Variants in TYW1 observed in about 807,000 individuals in gnomAD.
TYW1 encodes the protein S-adenosyl-L-methionine-dependent tRNA 4-demethylwyosine synthase TYW1.
In TYW1, 46 loss-of-function variants were observed where a neutral mutation model predicts 96.2. The ratio of observed to expected loss-of-function variants is 0.48; its 90% CI spans 0.38 to 0.61. The LOEUF (loss-of-function observed/expected upper bound fraction) is 0.61. Ranked by LOEUF, TYW1 falls within the 20% of genes least tolerant of loss-of-function variation. TYW1 has a pLI of 0.00. For missense variants in TYW1, 684 were observed against 909.6 expected, an observed-to-expected ratio of 0.75 and a Z score of 3.19; for synonymous variants, 274 against 323.0, an observed-to-expected ratio of 0.85 and a Z score of 1.63.
chr7:67,184,657 TGTTATGTTATG>T (rs1563060529), intron 14 of TYW1, among the ~76,000 whole-genome samples: 26 of 49,506 alleles, frequency 5.3e-4, no homozygotes, highest in African/African-American at 2.3e-3. Flanking sequence ...ATTTATGTTA[TGTTATGTTATG>T]TTATGTTATG....
At chr7:67,078,762 G>A (rs952069164) in intron 10 of TYW1, among the ~76,000 whole-genome samples, 8 of 151,712 alleles carry the variant, frequency 5.3e-5, no homozygotes, top group Admixed American at 1.3e-4. Context: ...GCACAATCTC[G>A]GTTCACTGCA....
intron 13 of TYW1, among the ~76,000 whole-genome samples, chr7:67,149,300 A>T (rs1236614057): frequency 1.3e-5 from 2 of 152,240 alleles, no homozygotes; most frequent in African/African-American, 4.8e-5. Context: ...CACTTTCTCA[A>T]GTTGACATTT....
At chr7:67,183,697 A>AT (rs148366319) in intron 14 of TYW1, among the ~76,000 whole-genome samples, 36,975 of 151,868 alleles carry the variant, frequency 0.24, 4,630 homozygotes, top group South Asian at 0.3. Flanking sequence ...ACCTTTACCC[A>AT]TTTTTTCTGC....
chr7:67,169,174 G>A (rs1277428931), intron 13 of TYW1, among the ~76,000 whole-genome samples: 1 of 150,990 alleles, frequency 6.6e-6, no homozygotes, highest in Non-Finnish European at 1.5e-5. Flanking sequence ...TTAACATCTT[G>A]TACATAGTAA....
At chr7:67,165,422 A>T (rs4718465) in intron 13 of TYW1, among the ~76,000 whole-genome samples, 38,739 of 145,984 alleles carry the variant, frequency 0.27, 5,695 homozygotes, top group African/African-American at 0.38. Flanking sequence ...TTAAACTTTT[A>T]ATTGTGGATT....
intron 13 of TYW1, among the ~76,000 whole-genome samples, chr7:67,160,211 G>T (rs1204864595): frequency 6.6e-6 from 1 of 152,116 alleles, no homozygotes; most frequent in Non-Finnish European, 1.5e-5. Context: ...GCAGTGAGCT[G>T]TGATTGCACC....
At chr7:67,204,599 CT>C (rs61194637) in intron 15 of TYW1, among the ~76,000 whole-genome samples, 34,655 of 132,628 alleles carry the variant, frequency 0.26, 4,044 homozygotes, top group African/African-American at 0.31. Context: ...TTCTTCTTTT[CT>C]TTTTTTTTTT....
chr7:67,014,961 C>T (rs1793966129), intron 5 of TYW1, among the ~76,000 whole-genome samples: 1 of 150,586 alleles, frequency 6.6e-6, no homozygotes, highest in Non-Finnish European at 1.5e-5. Context: ...AACTCCTGGC[C>T]TCATGTGATC....
At chr7:67,009,562 T>G in intron 3 of TYW1, 21 bp from the exon 4 acceptor site, 2 of 1,603,932 alleles carry the variant, frequency 1.2e-6, no homozygotes, top group Non-Finnish European at 1.7e-6. Context: ...CTTTATTTGA[T>G]GTTTTTTTTG....
At position 67,024,961 on chromosome 7, in the gene TYW1, T is replaced by C. The variant is rs747498239; in HGVS notation, c.923T>C (p.Leu308Pro). The C allele has an allele frequency of 6.2e-7, 1 of 1,613,886 alleles. No homozygotes were observed. Among genetic ancestry groups the C allele is most frequent in the South Asian group, 1.1e-5 (1 of 91,078 alleles). The change falls in exon 7 of 16, where the codon CTA becomes CCA. Residue 308 changes from leucine to proline, a missense_variant. Coordinates refer to ENST00000359626, the MANE Select transcript of TYW1 (RefSeq NM_018264.4). Reference protein sequence around the residue: ...EEFGGEDHQSLNSIVDVEDLG... With the variant: ...EEFGGEDHQSPNSIVDVEDLG... The stretch of plus-strand genomic sequence containing the variant: ...TTTGGTGGTGAGGACCATCAGAGCC[T>C]AAATTCCATTGTTGATGTTGAAGAT...
chr7:67,159,109 C>G (rs112679536), intron 13 of TYW1, among the ~76,000 whole-genome samples: 39,414 of 151,970 alleles, frequency 0.26, 5,592 homozygotes, highest in African/African-American at 0.38. Context: ...AAAATGAAGG[C>G]TTCGATTACT....
At chr7:67,055,233 C>T (rs1370714896) in intron 8 of TYW1, among the ~76,000 whole-genome samples, 6 of 152,022 alleles carry the variant, frequency 3.9e-5, no homozygotes, top group Admixed American at 1.3e-4. Flanking sequence ...AGAGCTTTAC[C>T]GAGTTTTTAC....
intron 13 of TYW1, among the ~76,000 whole-genome samples, chr7:67,153,993 C>T (rs952019305): frequency 1.5e-4 from 22 of 146,824 alleles, no homozygotes; most frequent in Non-Finnish European, 3.0e-4. Context: ...AGTGGCGTGA[C>T]CTTAGCTTAC....
intron 13 of TYW1, among the ~76,000 whole-genome samples, chr7:67,178,287 T>G (rs1799740461): frequency 1.3e-5 from 2 of 152,228 alleles, no homozygotes; most frequent in Admixed American, 6.5e-5. Context: ...AGTAGTGTGT[T>G]CATACAATGT....
At chr7:67,042,759 G>A (rs1189062661) in intron 7 of TYW1, among the ~76,000 whole-genome samples, 2 of 152,138 alleles carry the variant, frequency 1.3e-5, no homozygotes, top group African/African-American at 2.4e-5. Context: ...AGCTTTGGGA[G>A]GCTGAGGCTG....
At chr7:67,146,469 G>GCAAAAA (rs1798613637) in intron 13 of TYW1, among the ~76,000 whole-genome samples, 1 of 142,350 alleles carries the variant, frequency 7.0e-6, no homozygotes, top group African/African-American at 2.7e-5. Context: ...TAGGAGAGAT[G>GCAAAAA]AAAAATAAAA....
At chr7:67,161,191 C>T (rs1156385602) in intron 13 of TYW1, among the ~76,000 whole-genome samples, 1 of 152,064 alleles carries the variant, frequency 6.6e-6, no homozygotes, top group African/African-American at 2.4e-5. Flanking sequence ...TGTTTTTTTC[C>T]AGAATGGTCT....
intron 6 of TYW1, among the ~76,000 whole-genome samples, chr7:67,023,948 G>GTTAA (rs1350706702): frequency 6.6e-6 from 1 of 152,138 alleles, no homozygotes; most frequent in Non-Finnish European, 1.5e-5. Flanking sequence ...ATCATAAGTA[G>GTTAA]TTAAGGATGA....
intron 15 of TYW1, among the ~76,000 whole-genome samples, chr7:67,227,571 T>C (rs1243154230): frequency 2.0e-5 from 3 of 152,030 alleles, no homozygotes; most frequent in Non-Finnish European, 2.9e-5. Context: ...CACCAGATAT[T>C]CTCTGCCAAC....
Sources: allele counts gnomAD v4.1 joint callset (sites outside exome capture counted in the v4.1 genomes callset), GRCh38; gene constraint gnomAD v4.1.1; transcripts MANE v1.5; gene names NCBI Gene and HGNC (gene_info 2026-07-23, HGNC 2026-07-21).